EDA: variants seen among roughly 807,000 people sequenced by gnomAD.
EDA encodes the protein ectodysplasin A, also known as ectodysplasin-A.
EDA carries 2 observed loss-of-function variants against 23.6 expected under a neutral mutation model. The ratio of observed to expected loss-of-function variants is 0.08; its 90% CI spans 0.03 to 0.27. The LOEUF is 0.27. EDA is among the 10% of genes least tolerant of loss of function. The pLI is 1.00. For missense variants in EDA, 229 were observed against 324.2 expected (o/e 0.71, Z 2.26); for synonymous variants, 131 against 132.0 (o/e 0.99, Z 0.05).
At chrX:69,806,328 C>A (rs1362134944) in intron 1 of EDA, among the ~76,000 whole-genome samples, 2 of 111,028 alleles carry the variant, frequency 1.8e-5, no homozygotes, top group Non-Finnish European at 3.8e-5. Context: ...TTAGGGCATG[C>A]CTGTGGTGAC....
At position 70,037,158 on chromosome X, in the gene EDA, C is replaced by T. The variant is rs1459909061; in HGVS notation, c.*1549C>T. 1 of 112,707 alleles carries T rather than the reference C, an allele frequency of 8.9e-6. No individual in the cohort carries two copies. Among genetic ancestry groups the T allele is most frequent in the Non-Finnish European group, 1.9e-5 (1 of 53,322 alleles). The allele number at this position is 112,707 out of a possible 1,213,427, so 9.3% of individuals were successfully genotyped here. A position where few individuals can be genotyped will look rare whatever the true frequency, so the allele number is the denominator to read the frequency against. On this transcript the variant is annotated 3_prime_UTR_variant, in exon 8 of 8. Coordinates refer to ENST00000374552, the MANE Select transcript of EDA (RefSeq NM_001399.5). ...CTTGTACAGTCTGCTCCTCTTGTTC[C>T]TGAAATGTGTTTCCTTTTCAGGAGA... is the stretch of plus-strand genomic sequence containing the variant.
At chrX:69,856,949 CAATGTCTAG>C (rs1220639920) in intron 1 of EDA, among the ~76,000 whole-genome samples, 1 of 111,896 alleles carries the variant, frequency 8.9e-6, no homozygotes, top group African/African-American at 3.2e-5. Context: ...TTGCCTAAGC[CAATGTCTAG>C]AAGGGCTTTT....
At chrX:69,830,100 C>T (rs1057494798) in intron 1 of EDA, among the ~76,000 whole-genome samples, 4 of 111,193 alleles carry the variant, frequency 3.6e-5, no homozygotes, top group Non-Finnish European at 7.5e-5. Context: ...TTTCTTCTTT[C>T]TTCCTGTCTT....
chrX:69,818,585 A>G (rs1208361781), intron 1 of EDA, among the ~76,000 whole-genome samples: 2 of 111,930 alleles, frequency 1.8e-5, no homozygotes, highest in Non-Finnish European at 3.8e-5. Context: ...AATACTATGA[A>G]CACCTCTATG....
At chrX:69,860,934 C>T (rs780897740) in intron 1 of EDA, 137 of 520,298 alleles carry the variant, frequency 2.6e-4, no homozygotes, top group African/African-American at 2.2e-3. Context: ...GCACACGAGT[C>T]GTCTCAGTCC....
In EDA at chrX:69,695,492, TTTTCCTTC is replaced by T. The variant is rs1156949597; in HGVS notation, c.396+78801_396+78808del. On this transcript the variant is annotated intron_variant, in intron 1 of 7. Transcript: ENST00000374552. ...TCCTTGGCTGTTTTAGAGGACTCAG[TTTTCCTTC>T]TTTCCTTCTTTCTTTTTTTTTTTTT... Among the ~76,000 whole-genome samples the T allele has an allele frequency of 9.1e-4, 95 of 104,515 alleles. 1 individual carries two copies. Among genetic ancestry groups the T allele is most frequent in the South Asian group, 7.4e-3 (17 of 2,304 alleles). 90.8% of individuals were successfully genotyped at this position (104,515 alleles called of 115,157 possible). A position where few individuals can be genotyped will look rare whatever the true frequency, so the allele number is the denominator to read the frequency against.
At chrX:69,840,980 A>G (rs2016883393) in intron 1 of EDA, among the ~76,000 whole-genome samples, 1 of 112,131 alleles carries the variant, frequency 8.9e-6, no homozygotes, top group East Asian at 2.8e-4. Flanking sequence ...TAATACTATC[A>G]CATTGGCCAT....
intron 1 of EDA, among the ~76,000 whole-genome samples, chrX:69,921,874 A>T: frequency 9.0e-6 from 1 of 111,370 alleles, no homozygotes; most frequent in East Asian, 2.8e-4. Flanking sequence ...TGAAAAATGC[A>T]TAGTGTTGTA....
chrX:69,937,079 A>G, intron 1 of EDA: 3 of 661,742 alleles, frequency 4.5e-6, no homozygotes, highest in Non-Finnish European at 7.1e-6. Flanking sequence ...CTGTTGTTCA[A>G]AGGATTCAAC....
chrX:69,751,986 TG>T (rs988111527), intron 1 of EDA, among the ~76,000 whole-genome samples: 1 of 110,898 alleles, frequency 9.0e-6, no homozygotes, highest in African/African-American at 3.3e-5. Flanking sequence ...GCTGCGACGA[TG>T]GGGTTTTCTA....
At chrX:69,821,351 T>A (rs2016218582) in intron 1 of EDA, among the ~76,000 whole-genome samples, 1 of 110,238 alleles carries the variant, frequency 9.1e-6, no homozygotes, top group Non-Finnish European at 1.9e-5. Context: ...GGCACATGTT[T>A]ATCTATGTAA....
intron 1 of EDA, among the ~76,000 whole-genome samples, chrX:69,899,655 C>CATTA (rs1289467664): frequency 2.7e-5 from 3 of 111,048 alleles, no homozygotes; most frequent in Non-Finnish European, 5.7e-5. Flanking sequence ...CCACTCTATT[C>CATTA]ATTAATTCCA....
At chrX:69,693,163 A>G (rs779258320) in intron 1 of EDA, 1 of 111,579 alleles carries the variant, frequency 9.0e-6, no homozygotes, top group South Asian at 3.7e-4. Flanking sequence ...GGGGAAAAAT[A>G]TTAAATTTAG....
intron 1 of EDA, among the ~76,000 whole-genome samples, chrX:69,824,287 G>A (rs2016338267): frequency 1.8e-5 from 2 of 110,401 alleles, no homozygotes; most frequent in Admixed American, 9.7e-5. Flanking sequence ...ATTACCTTGG[G>A]CAGTATGGCC....
chrX:69,626,879 A>G (rs1158711730), intron 1 of EDA, among the ~76,000 whole-genome samples: 2 of 111,684 alleles, frequency 1.8e-5, no homozygotes, highest in East Asian at 5.6e-4. Flanking sequence ...GTTTTTTTTA[A>G]GTGTCTGGCA....
chrX:69,765,436 C>G (rs2014441643), intron 1 of EDA, among the ~76,000 whole-genome samples: 1 of 111,550 alleles, frequency 9.0e-6, no homozygotes, highest in Non-Finnish European at 1.9e-5. Flanking sequence ...GTTTGGATCA[C>G]TTTGCAGTAT....
At chrX:69,867,450 A>G (rs751987912) in intron 1 of EDA, among the ~76,000 whole-genome samples, 7 of 112,160 alleles carry the variant, frequency 6.2e-5, no homozygotes, top group South Asian at 7.4e-4. Flanking sequence ...TTTTCCAATC[A>G]TGCTTCTTCC....
intron 1 of EDA, among the ~76,000 whole-genome samples, chrX:69,753,878 C>T (rs1376337145): frequency 7.4e-5 from 7 of 94,169 alleles, no homozygotes; most frequent in Admixed American, 2.5e-4. Context: ...TCTGTTTTAT[C>T]AGAGACTAGG....
intron 1 of EDA, among the ~76,000 whole-genome samples, chrX:69,736,054 C>G (rs771676161): frequency 8.0e-4 from 88 of 110,502 alleles, no homozygotes; most frequent in African/African-American, 2.8e-3. Context: ...TGCCTATAAT[C>G]CCAGCACTTC....
Sources: allele counts gnomAD v4.1 joint callset (sites outside exome capture counted in the v4.1 genomes callset), GRCh38; gene constraint gnomAD v4.1.1; transcripts MANE v1.5; gene names NCBI Gene and HGNC (gene_info 2026-07-23, HGNC 2026-07-21).